The following OSBPL10 variants were observed in gnomAD, a reference collection of about 807,000 sequenced individuals.
OSBPL10 encodes the protein oxysterol binding protein like 10.
OSBPL10 carries 49 observed loss-of-function variants against 81.7 expected under a neutral mutation model. The ratio of observed to expected loss-of-function variants is 0.60; its 90% CI spans 0.48 to 0.76. OSBPL10 has a LOEUF of 0.76. Among genes scored for constraint, OSBPL10 ranks in the 30% least tolerant of loss-of-function variants. The probability of loss-of-function intolerance (pLI) is 0.00; values close to 1 mark genes in which losing one functional copy is unlikely to be tolerated. For missense variants in OSBPL10, 923 were observed against 987.8 expected, an observed-to-expected ratio of 0.93 and a Z score of 0.88; for synonymous variants, 419 against 383.6, an observed-to-expected ratio of 1.09 and a Z score of -1.08.
At chr3:32,051,469 G>C (rs954926406) in intron 1 of OSBPL10, among the ~76,000 whole-genome samples, 3 of 152,256 alleles carry the variant, frequency 2.0e-5, no homozygotes, top group South Asian at 2.1e-4. Context: ...TTGATGTTTG[G>C]ATTAGAGAAG....
intron 4 of OSBPL10, among the ~76,000 whole-genome samples, chr3:31,763,700 T>G (rs532807726): frequency 6.6e-6 from 1 of 152,262 alleles, no homozygotes; most frequent in East Asian, 1.9e-4. Context: ...ACTACATACT[T>G]CTCTTTTCCA....
chr3:31,963,840 A>AT (rs557535829), intron 1 of OSBPL10, among the ~76,000 whole-genome samples: 334 of 146,810 alleles, frequency 2.3e-3, no homozygotes, highest in African/African-American at 6.1e-3. Flanking sequence ...TCCCAATTAG[A>AT]TTTTTTTTTT....
intron 2 of OSBPL10, among the ~76,000 whole-genome samples, chr3:32,043,187 G>C (rs1699592813): frequency 6.6e-6 from 1 of 152,094 alleles, no homozygotes; most frequent in Non-Finnish European, 1.5e-5. Flanking sequence ...TCCTTCCCCA[G>C]GGTATTAATT....
intron 1 of OSBPL10, among the ~76,000 whole-genome samples, chr3:31,885,627 G>A (rs543407707): frequency 1.3e-5 from 2 of 152,022 alleles, no homozygotes; most frequent in South Asian, 2.1e-4. Flanking sequence ...CCTTTGTCGG[G>A]GAAGGAACTG....
chr3:31,673,669 C>A (rs1700382159), intron 8 of OSBPL10, among the ~76,000 whole-genome samples: 1 of 152,210 alleles, frequency 6.6e-6, no homozygotes, highest in South Asian at 2.1e-4. Flanking sequence ...GTTCAACTTA[C>A]AATGTTTTGA....
chr3:32,028,110 C>A (rs1477410058), intron 2 of OSBPL10, among the ~76,000 whole-genome samples: 1 of 152,194 alleles, frequency 6.6e-6, no homozygotes, highest in Non-Finnish European at 1.5e-5. Context: ...CATCTTTCAA[C>A]CCCCATCTCA....
intron 4 of OSBPL10, among the ~76,000 whole-genome samples, chr3:31,810,299 G>A (rs1174319750): frequency 6.6e-6 from 1 of 152,196 alleles, no homozygotes; most frequent in African/African-American, 2.4e-5. Context: ...AAAAGTCATT[G>A]AGCTGTAAAC....
At chr3:31,703,195 G>A (rs998647611) in intron 6 of OSBPL10, among the ~76,000 whole-genome samples, 7 of 152,120 alleles carry the variant, frequency 4.6e-5, no homozygotes, top group African/African-American at 1.4e-4. Context: ...TAGAAAACAG[G>A]CAACTTAATA....
chr3:31,951,928 T>C (rs1697882025), intron 1 of OSBPL10, among the ~76,000 whole-genome samples: 1 of 152,150 alleles, frequency 6.6e-6, no homozygotes, highest in Non-Finnish European at 1.5e-5. Context: ...TTAGATATAA[T>C]TCACAAGATT....
intron 4 of OSBPL10, among the ~76,000 whole-genome samples, chr3:31,818,844 A>C (rs1202225578): frequency 6.6e-6 from 1 of 152,180 alleles, no homozygotes; most frequent in African/African-American, 2.4e-5. Context: ...CACAAGGTAC[A>C]AAACTCACTG....
At chr3:31,911,516 G>A (rs1298024830) in intron 1 of OSBPL10, among the ~76,000 whole-genome samples, 1 of 151,696 alleles carries the variant, frequency 6.6e-6, no homozygotes, top group Non-Finnish European at 1.5e-5. Context: ...CAACAGGGGT[G>A]TCCAATCTTT....
chr3:31,839,340 T>C (rs2125550699), intron 3 of OSBPL10, among the ~76,000 whole-genome samples: 1 of 152,252 alleles, frequency 6.6e-6, no homozygotes, highest in African/African-American at 2.4e-5. Context: ...ATTCAGCAAG[T>C]ATTTAATAAA....
intron 1 of OSBPL10, among the ~76,000 whole-genome samples, chr3:32,075,155 T>G (rs942626832): frequency 6.6e-6 from 1 of 152,222 alleles, no homozygotes; most frequent in Admixed American, 6.5e-5. Context: ...CCACTAGCAT[T>G]ACAGATGTAT....
chr3:31,965,558 TAA>T (rs1437333413), intron 1 of OSBPL10, among the ~76,000 whole-genome samples: 15 of 84,924 alleles, frequency 1.8e-4, no homozygotes, highest in South Asian at 1.6e-3. Context: ...ATATATTATA[TAA>T]ATTATATATT....
At chr3:31,970,538 G>C (rs977957754) in intron 1 of OSBPL10, among the ~76,000 whole-genome samples, 2 of 152,190 alleles carry the variant, frequency 1.3e-5, no homozygotes, top group Admixed American at 6.5e-5. Flanking sequence ...TTGCAAGGAG[G>C]GGGAGGGATG....
At chr3:31,852,395 A>T (rs1436133326) in intron 3 of OSBPL10, among the ~76,000 whole-genome samples, 3 of 152,162 alleles carry the variant, frequency 2.0e-5, no homozygotes, top group Admixed American at 6.5e-5. Context: ...GCTTCACAAC[A>T]ACTATTATCC....
upstream of OSBPL10, among the ~76,000 whole-genome samples, chr3:31,984,985 T>G (rs1319497260): frequency 6.6e-6 from 1 of 152,206 alleles, no homozygotes; most frequent in Non-Finnish European, 1.5e-5. Context: ...AAGCCTGTAA[T>G]CCCAGCACTT....
intron 2 of OSBPL10, among the ~76,000 whole-genome samples, chr3:32,021,978 C>G (rs1393225865): frequency 6.8e-5 from 1 of 14,796 alleles, no homozygotes; most frequent in African/African-American, 1.0e-4. Context: ...TAATCTGTCT[C>G]GAAAAAAAAA....
intron 1 of OSBPL10, among the ~76,000 whole-genome samples, chr3:31,905,345 A>ATGTTTTTTTTTTTTTTTTTT (rs1696373856): frequency 1.1e-5 from 1 of 94,860 alleles, no homozygotes; most frequent in African/African-American, 4.7e-5. Flanking sequence ...GAACCTGGTG[A>ATGTTTTTTTTTTTTTTTTTT]TTTTTTTTTT....
Sources: allele counts gnomAD v4.1 joint callset (sites outside exome capture counted in the v4.1 genomes callset), GRCh38; gene constraint gnomAD v4.1.1; transcripts MANE v1.5; gene names NCBI Gene and HGNC (gene_info 2026-07-23, HGNC 2026-07-21).